Variants in LRRC4 observed in about 807,000 individuals in gnomAD.
LRRC4 encodes leucine rich repeat containing 4, also known as leucine-rich repeat-containing protein 4.
In LRRC4, 11 loss-of-function variants were observed where a neutral mutation model predicts 37.9. The ratio of observed to expected loss-of-function variants is 0.29; its 90% CI spans 0.18 to 0.48. The LOEUF (loss-of-function observed/expected upper bound fraction) is 0.48, where lower values mean the gene tolerates loss of function less well. Ranked by LOEUF, LRRC4 falls within the 20% of genes least tolerant of loss-of-function variation. The probability of loss-of-function intolerance (pLI) is 0.99; values close to 1 mark genes in which losing one functional copy is unlikely to be tolerated. For missense variants in LRRC4, 717 were observed against 842.1 expected (o/e 0.85, Z 1.84); for synonymous variants, 404 against 346.7 (o/e 1.17, Z -1.84).
At chr7:128,031,715 C>CCGGGGG (rs1221694240), upstream of LRRC4, 1 of 143,456 alleles carries the variant, frequency 7.0e-6, no homozygotes, top group Non-Finnish European at 1.5e-5. Flanking sequence ...TTCAGAGAGT[C>CCGGGGG]CGGGGGCGGG....
At position 128,029,092 on chromosome 7, in the gene LRRC4, T is replaced by A; in HGVS notation, c.1549A>T (p.Thr517Ser). 1 of 1,614,150 alleles carries A rather than the reference T, an allele frequency of 6.2e-7. No homozygotes were observed. The highest frequency in any genetic ancestry group is 2.2e-5 in the East Asian group (1 of 44,884). The change falls in exon 2 of 2, where the codon ACC becomes TCC. Residue 517 changes from threonine to serine, a missense_variant. Thr to Ser is a moderately conservative substitution (Grantham distance 58, BLOSUM62 1). Coordinates refer to ENST00000249363, the MANE Select transcript of LRRC4 (RefSeq NM_022143.5). This position sits in a 1 kb window ranked among gnomAD's most constrained non-coding sequence, Gnocchi z 4.2. ...GTCTTCATGACTTCATCCAGGCTGGTCTGCATCTTGTCAGTGGTGTCTGTC... is the reference window on the plus strand; with the variant it reads ...GTCTTCATGACTTCATCCAGGCTGGACTGCATCTTGTCAGTGGTGTCTGTC... ...PATDTTDKMQTSLDEVMKTTK... is the reference protein window; with the variant it reads ...PATDTTDKMQSSLDEVMKTTK...
intron 1 of LRRC4, 52 bp from the exon 2 acceptor site, chr7:128,030,792 G>A: frequency 5.0e-6 from 5 of 1,000,218 alleles, no homozygotes; most frequent in South Asian, 4.1e-5. Context: ...CGGATCGGCC[G>A]AAAAAAATCC....
chr7:128,031,040 G>A lies in LRRC4; in HGVS notation c.-228C>T, dbSNP rs1792576089. On this transcript the variant is annotated 5_prime_UTR_variant, in exon 1 of 2. Transcript: ENST00000249363. Reference sequence around the variant, plus strand: ...AAGGGGGAAGTGGTGGGGGCGGGGAGGGCAGAGGGGAGGGGAGGGGAGGGG... The same window carrying A: ...AAGGGGGAAGTGGTGGGGGCGGGGAAGGCAGAGGGGAGGGGAGGGGAGGGG... The A allele has an allele frequency of 6.6e-6, 1 of 151,186 alleles. No homozygotes were observed. The allele number at this position is 151,186 out of a possible 1,614,324, so 9.4% of individuals were successfully genotyped here. A position where few individuals can be genotyped will look rare whatever the true frequency, so the allele number is the denominator to read the frequency against.
chr7:128,030,032 C>T lies in LRRC4; in HGVS notation c.609G>A (p.Leu203=), dbSNP rs776820618. 2 of 1,613,190 alleles carry T rather than the reference C, an allele frequency of 1.2e-6. No individual in the cohort carries two copies. Among genetic ancestry groups the T allele is most frequent in the South Asian group, 1.1e-5 (1 of 91,076 alleles). ...EGLFNLKYLN[L]GMCNIKDMPN... Reference sequence around the variant, plus strand: ...GCATGTCTTTAATGTTGCACATGCCCAAGTTCAGATACTTGAGGTTGAACA... The same window carrying T: ...GCATGTCTTTAATGTTGCACATGCCTAAGTTCAGATACTTGAGGTTGAACA... The change falls in exon 2 of 2, where the codon TTG becomes TTA. Residue 203 remains leucine, a synonymous_variant. Transcript: ENST00000249363.
chr7:128,029,978 C>T lies in LRRC4; in HGVS notation c.663G>A (p.Glu221=), dbSNP rs779656289. The T allele has an allele frequency of 8.7e-6, 14 of 1,613,172 alleles. No individual in the cohort carries two copies. The highest frequency in any genetic ancestry group is 9.3e-6 in the Non-Finnish European group (11 of 1,180,036). Reference sequence around the variant, plus strand: ...AGTGGTTCCCTGACATCTCCAGCTCCTCCAGCCCCACCAGGGGGGTGAGAT... The same window carrying T: ...AGTGGTTCCCTGACATCTCCAGCTCTTCCAGCCCCACCAGGGGGGTGAGAT... The part of the protein sequence containing the change: ...MPNLTPLVGL[E]ELEMSGNHFP... The change falls in exon 2 of 2, where the codon GAG becomes GAA. Residue 221 remains glutamate (E), a synonymous_variant. Transcript: ENST00000249363. This position sits in a 1 kb window ranked among gnomAD's most constrained non-coding sequence, Gnocchi z 4.2.
In LRRC4 at chr7:128,030,436, C is replaced by T; in HGVS notation, c.205G>A (p.Val69Ile). Residue 69 changes from valine to isoleucine, a missense_variant, in exon 2 of 2, where the codon GTC (valine) becomes ATC (isoleucine). Physicochemically the swap from Val to Ile is conservative, Grantham distance 29. Coordinates refer to ENST00000249363, the MANE Select transcript of LRRC4 (RefSeq NM_022143.5). ...GTGTTCGAGGGAATACCCTGCGGGA[C>T]CTCGGAGAGGCCCCGGCGCGTGCAC... ...VVCTRRGLSE[V>I]PQGIPSNTRY... 6.2e-7 allele frequency: 1 copy of T among 1,613,852 alleles called. No individual in the cohort carries two copies. Among genetic ancestry groups the T allele is most frequent in the Non-Finnish European group, 8.5e-7 (1 of 1,180,048 alleles).
rs1228767361 is a variant in LRRC4 at position 128,031,060 on chromosome 7, G to A, written c.-248C>T. Reference sequence around the variant, plus strand: ...GGGGAGGGCAGAGGGGAGGGGAGGGGAGGGGAGGGAAGGGGTGGGGGAGAC... The same window carrying A: ...GGGGAGGGCAGAGGGGAGGGGAGGGAAGGGGAGGGAAGGGGTGGGGGAGAC... On this transcript the variant is annotated 5_prime_UTR_variant, in exon 1 of 2. Transcript: ENST00000249363. 4 of 150,648 alleles carry A rather than the reference G, an allele frequency of 2.7e-5. No homozygotes were observed. Among genetic ancestry groups the A allele is most frequent in the South Asian group, 2.1e-4 (1 of 4,790 alleles). The allele number at this position is 150,648 out of a possible 1,614,324, so 9.3% of individuals were successfully genotyped here.
chr7:128,031,065 G>A lies in LRRC4; in HGVS notation c.-253C>T, dbSNP rs1249023393. 6.7e-6 allele frequency: 1 copy of A among 148,808 alleles called. No homozygotes were observed. Among genetic ancestry groups the A allele is most frequent in the Non-Finnish European group, 1.5e-5 (1 of 66,664 alleles). 9.2% of individuals were successfully genotyped at this position (148,808 alleles called of 1,614,324 possible). On this transcript the variant is annotated 5_prime_UTR_variant, in exon 1 of 2. Transcript: ENST00000249363. Reference sequence around the variant, plus strand: ...GGGCAGAGGGGAGGGGAGGGGAGGGGAGGGAAGGGGTGGGGGAGACAAAAT... The same window carrying A: ...GGGCAGAGGGGAGGGGAGGGGAGGGAAGGGAAGGGGTGGGGGAGACAAAAT...
In LRRC4 at chr7:128,028,703, G is replaced by C; in HGVS notation, c.1938C>G (p.Asp646Glu). 1.2e-6 allele frequency: 2 copies of C among 1,613,476 alleles called. No individual in the cohort carries two copies. The highest frequency in any genetic ancestry group is 1.3e-5 in the African/African-American group (1 of 74,992). ...GTCATATTTGAGTTTCCTGTACCTT[G>C]TCCTTGGTATGGGTCTGAATTATAT... ...EPYIIQTHTK[D>E]KVQETQI The change falls in exon 2 of 2, where the codon GAC becomes GAG. Residue 646 changes from aspartate (D) to glutamate (E), a missense_variant. Coordinates refer to ENST00000249363, the MANE Select transcript of LRRC4 (RefSeq NM_022143.5).
upstream of LRRC4, chr7:128,032,017 TCTC>T (rs1040893409): frequency 3.3e-5 from 5 of 151,426 alleles, no homozygotes; most frequent in East Asian, 1.9e-4. Context: ...GCGCCCACCG[TCTC>T]CTCCTCGCGC....
chr7:128,028,745 G>C lies in LRRC4; in HGVS notation c.1896C>G (p.Thr632=). The change falls in exon 2 of 2, where the codon ACC becomes ACG. Residue 632 remains threonine (T), a synonymous_variant. Transcript: ENST00000249363. ...GAATTATATAAGGTTCAGAGATAGT[G>C]GTGACTGTGGGGTGCAGAGAGTTCC... The part of the protein sequence containing the change: ...SLGNSLHPTV[T]TISEPYIIQT... 6.2e-7 allele frequency: 1 copy of C among 1,614,110 alleles called. No homozygotes were observed. Among genetic ancestry groups the C allele is most frequent in the South Asian group, 1.1e-5 (1 of 91,076 alleles).
rs1377487518 is a variant in LRRC4, at chr7:128,028,837, G to C, written c.1804C>G (p.His602Asp). ...GEGAVVLPTI[H>D]DHINYNTYKP... Reference sequence around the variant, plus strand: ...TAGGTGTTGTAGTTAATATGGTCATGAATTGTGGGCAGCACTACTGCCCCC... The same window carrying C: ...TAGGTGTTGTAGTTAATATGGTCATCAATTGTGGGCAGCACTACTGCCCCC... Residue 602 changes from histidine (H) to aspartate (D), a missense_variant, in exon 2 of 2, where the codon CAT becomes GAT. Transcript: ENST00000249363. The C allele has an allele frequency of 1.2e-6, 2 of 1,614,188 alleles. No homozygotes were observed. Among genetic ancestry groups the C allele is most frequent in the Admixed American group, 1.7e-5 (1 of 60,024 alleles).
Position 128,030,679 on chromosome 7 carries a change from T to A in LRRC4, c.-39A>T. 1 of 1,523,506 alleles carries A rather than the reference T, an allele frequency of 6.6e-7. No individual in the cohort carries two copies. The highest frequency in any genetic ancestry group is 1.8e-4 in the Middle Eastern group (1 of 5,612). The allele number at this position is 1,523,506 out of a possible 1,614,324, so 94.4% of individuals were successfully genotyped here. A position where few individuals can be genotyped will look rare whatever the true frequency, so the allele number is the denominator to read the frequency against. On this transcript the variant is annotated 5_prime_UTR_variant, in exon 2 of 2. Coordinates refer to ENST00000249363, the MANE Select transcript of LRRC4 (RefSeq NM_022143.5). ...CATAATTCACCATCGCCTGGGATTT[T>A]GGCTCGGAAAGGAGAACCAGCCCTA... is the stretch of plus-strand genomic sequence containing the variant.
At chr7:128,030,883 A>G (rs974404701) in intron 1 of LRRC4, 30 bp downstream of exon 1, 3 of 452,584 alleles carry the variant, frequency 6.6e-6, no homozygotes, top group Non-Finnish European at 1.2e-5. Context: ...CCACACTGCA[A>G]CCGTCCCCAC....
chr7:128,030,581 C>T lies in LRRC4; in HGVS notation c.60G>A (p.Pro20=), dbSNP rs1452081956. 3 of 1,604,836 alleles carry T rather than the reference C, an allele frequency of 1.9e-6. No homozygotes were observed. Among genetic ancestry groups the T allele is most frequent in the Admixed American group, 1.7e-5 (1 of 59,574 alleles). ...HHHTWNAILL[P]FVYLTAQVWI... ...ACACTTGCGCCGTGAGGTAGACGAA[C>T]GGGAGCAGGATGGCATTCCAGGTGT... Residue 20 remains proline (P), a synonymous_variant, in exon 2 of 2, where the codon CCG becomes CCA. Coordinates refer to ENST00000249363, the MANE Select transcript of LRRC4 (RefSeq NM_022143.5).
rs1339259442 is a variant in LRRC4 at position 128,028,849 on chromosome 7, G to A, written c.1792C>T (p.Leu598=). The change falls in exon 2 of 2, where the codon CTG becomes TTG. Residue 598 remains leucine (L), a synonymous_variant. Coordinates refer to ENST00000249363, the MANE Select transcript of LRRC4 (RefSeq NM_022143.5). The stretch of plus-strand genomic sequence containing the variant: ...TTAATATGGTCATGAATTGTGGGCA[G>A]CACTACTGCCCCCTCACCTGATACA... ...SGVSGEGAVV[L]PTIHDHINYN... is the part of the protein sequence containing the mutation. 6.2e-7 allele frequency: 1 copy of A among 1,614,178 alleles called. No homozygotes were observed. The highest frequency in any genetic ancestry group is 8.5e-7 in the Non-Finnish European group (1 of 1,180,028).
chr7:128,029,294 G>A lies in LRRC4; in HGVS notation c.1347C>T (p.Ser449=). The change falls in exon 2 of 2, where the codon TCC becomes TCT. Residue 449 remains serine, a synonymous_variant. Coordinates refer to ENST00000249363, the MANE Select transcript of LRRC4 (RefSeq NM_022143.5). This position sits in a 1 kb window ranked among gnomAD's most constrained non-coding sequence, Gnocchi z 4.2. ...LNVSTAELNT[S]NYSFFTTVTV... ...TTACTGTGGTGAAGAAGCTGTAGTT[G>A]GAGGTGTTAAGCTCAGCCGTGCTCA... 1 of 1,614,174 alleles carries A rather than the reference G, an allele frequency of 6.2e-7. No individual in the cohort carries two copies. Among genetic ancestry groups the A allele is most frequent in the Non-Finnish European group, 8.5e-7 (1 of 1,180,038 alleles).
rs919376795 is a variant in LRRC4, at chr7:128,031,188, C to G, written c.-376G>C. On this transcript the variant is annotated 5_prime_UTR_variant, in exon 1 of 2. Transcript: ENST00000249363. ...GGCGGGCTATGCAGGTGCATGCCCC[C>G]CCCTCCGCCCAAGGAGCGGCGCCAC... The G allele has an allele frequency of 1.3e-5, 2 of 152,328 alleles. No individual in the cohort carries two copies. Among genetic ancestry groups the G allele is most frequent in the Non-Finnish European group, 2.9e-5 (2 of 68,156 alleles). 9.4% of individuals were successfully genotyped at this position (152,328 alleles called of 1,614,324 possible).
rs1264737765 is a variant in LRRC4, at chr7:128,029,792, A to G, written c.849T>C (p.His283=). Residue 283 remains histidine, a synonymous_variant, in exon 2 of 2, where the codon CAT becomes CAC. Transcript: ENST00000249363. The surrounding 1 kb of genome is among the most constrained non-coding windows in gnomAD (Gnocchi z 4.2). The part of the protein sequence containing the change: ...LAHNNLSSLP[H]DLFTPLRYLV... ...GGTACCTCAGCGGGGTAAAGAGGTCATGGGGCAAAGAAGAGAGGTTATTGT... is the reference window on the plus strand; with the variant it reads ...GGTACCTCAGCGGGGTAAAGAGGTCGTGGGGCAAAGAAGAGAGGTTATTGT... 2 of 1,613,842 alleles carry G rather than the reference A, an allele frequency of 1.2e-6. No homozygotes were observed. Among genetic ancestry groups the G allele is most frequent in the Non-Finnish European group, 1.7e-6 (2 of 1,180,036 alleles).
Sources: allele counts gnomAD v4.1 joint callset, GRCh38; gene constraint gnomAD v4.1.1; non-coding constraint Gnocchi (gnomAD v3.1); transcripts MANE v1.5; gene names NCBI Gene and HGNC (gene_info 2026-07-23, HGNC 2026-07-21).